The following RAB10 variants were observed in gnomAD, a reference collection of about 807,000 sequenced individuals.
The protein encoded by RAB10 is ras-related protein Rab-10.
RAB10 carries 5 observed loss-of-function variants against 25.7 expected under a neutral mutation model. That is an observed-to-expected ratio of 0.19 (90% CI 0.10 to 0.41). The LOEUF is 0.41. Ranked by LOEUF, RAB10 falls within the 10% of genes least tolerant of loss-of-function variation. RAB10 has a pLI of 1.00. For missense variants in RAB10, 103 were observed against 245.8 expected (o/e 0.42, Z 3.89); for synonymous variants, 89 against 86.4 (o/e 1.03, Z -0.16).
chr2:26,063,281 A>C (rs1469144845), intron 1 of RAB10, among the ~76,000 whole-genome samples: 1 of 152,152 alleles, frequency 6.6e-6, no homozygotes, highest in Non-Finnish European at 1.5e-5. Context: ...TCTGTTCCTT[A>C]TGTCCCTTTT....
upstream of RAB10, among the ~76,000 whole-genome samples, chr2:26,033,785 G>A (rs1258001190): frequency 3.9e-5 from 6 of 151,988 alleles, no homozygotes; most frequent in South Asian, 2.1e-4. Flanking sequence ...GGGAGCGGGA[G>A]GCGGGAGGCG....
chr2:26,114,737 C>CAAAAAAAAAAAAAAAAAAAAA (rs58252306), intron 3 of RAB10, among the ~76,000 whole-genome samples: 4 of 66,074 alleles, frequency 6.1e-5, no homozygotes, highest in African/African-American at 2.2e-4. Flanking sequence ...CAAAAATATA[C>CAAAAAAAAAAAAAAAAAAAAA]AAAAAAAAAA....
chr2:26,055,391 ATTT>A (rs536425050), intron 1 of RAB10, among the ~76,000 whole-genome samples: 2 of 138,758 alleles, frequency 1.4e-5, no homozygotes, highest in Non-Finnish European at 1.6e-5. Context: ...CACTTGGCTA[ATTT>A]TTTTTTTTTT....
intron 1 of RAB10, among the ~76,000 whole-genome samples, chr2:26,092,015 T>G (rs1559590701): frequency 6.6e-6 from 1 of 151,792 alleles, no homozygotes; most frequent in African/African-American, 2.4e-5. Flanking sequence ...TTACTAAAAA[T>G]ACAGAAGTTA....
chr2:26,092,304 TGTGTGTGTGTGTGTGTG>T (rs1559590829), intron 1 of RAB10, among the ~76,000 whole-genome samples: 4,902 of 67,698 alleles, frequency 0.072, 137 homozygotes, highest in Middle Eastern at 0.11. Context: ...TGTGTGTGTG[TGTGTGTGTGTGTGTGTG>T]TTGGGGTGGT....
chr2:26,117,045 T>G (rs1667704406), intron 3 of RAB10, among the ~76,000 whole-genome samples: 2 of 152,144 alleles, frequency 1.3e-5, no homozygotes, highest in Admixed American at 6.5e-5. Flanking sequence ...ATTTATATAC[T>G]CTTAAATCTG....
intron 5 of RAB10, among the ~76,000 whole-genome samples, chr2:26,129,860 A>C (rs1396345137): frequency 6.6e-6 from 1 of 152,226 alleles, no homozygotes; most frequent in Non-Finnish European, 1.5e-5. Context: ...AATTAAAATA[A>C]GTATAAAAGA....
intron 1 of RAB10, among the ~76,000 whole-genome samples, chr2:26,049,394 G>A (rs138439157): frequency 1.3e-5 from 2 of 151,226 alleles, no homozygotes; most frequent in East Asian, 3.9e-4. Flanking sequence ...TGCGCTTTCT[G>A]AAAGTTTTTT....
chr2:26,041,209 C>A (rs888062178), intron 1 of RAB10, among the ~76,000 whole-genome samples: 2 of 152,022 alleles, frequency 1.3e-5, no homozygotes, highest in African/African-American at 4.8e-5. Flanking sequence ...TACCTACTTT[C>A]TGATCATTAT....
At chr2:26,134,445 A>G (rs116605184) in intron 5 of RAB10, among the ~76,000 whole-genome samples, 240 of 152,342 alleles carry the variant, frequency 1.6e-3, no homozygotes, top group African/African-American at 5.7e-3. Flanking sequence ...CATGAATTAG[A>G]TAACTACATT....
At chr2:26,092,230 G>T (rs1451066798) in intron 1 of RAB10, among the ~76,000 whole-genome samples, 1 of 150,294 alleles carries the variant, frequency 6.7e-6, no homozygotes, top group African/African-American at 2.4e-5. Context: ...ATTGGATTTG[G>T]GAACATGGAG....
At chr2:26,074,885 G>A (rs975069371) in intron 1 of RAB10, among the ~76,000 whole-genome samples, 7 of 152,276 alleles carry the variant, frequency 4.6e-5, no homozygotes, top group South Asian at 2.1e-4. Flanking sequence ...TATGAGGATC[G>A]AACGAGTAAA....
At chr2:26,128,571 C>T (rs912297286) in intron 5 of RAB10, among the ~76,000 whole-genome samples, 6 of 151,540 alleles carry the variant, frequency 4.0e-5, no homozygotes, top group African/African-American at 1.5e-4. Context: ...ACTCATTTCG[C>T]TTAATGAGTA....
intron 1 of RAB10, among the ~76,000 whole-genome samples, chr2:26,064,000 A>G (rs562066204): frequency 1.3e-5 from 2 of 152,244 alleles, no homozygotes; most frequent in Admixed American, 6.5e-5. Flanking sequence ...GGATTTCACT[A>G]TGTGTTGGCC....
In RAB10 at chr2:26,109,761, A is replaced by C; in HGVS notation, c.189-7A>C. On this transcript the variant is annotated splice_region_variant and splice_polypyrimidine_tract_variant and intron_variant, in intron 2 of 5. Coordinates refer to ENST00000264710, the MANE Select transcript of RAB10 (RefSeq NM_016131.5). ...GCTTAATAGAAATTATTGGCTGTTT[A>C]TTTCAGGGATACAGCAGGCCAGGAG... 6.5e-7 allele frequency: 1 copy of C among 1,548,596 alleles called. No homozygotes were observed. The highest frequency in any genetic ancestry group is 8.7e-7 in the Non-Finnish European group (1 of 1,154,628).
At chr2:26,039,714 G>C (rs1301539709) in intron 1 of RAB10, among the ~76,000 whole-genome samples, 2 of 151,914 alleles carry the variant, frequency 1.3e-5, no homozygotes, top group African/African-American at 4.8e-5. Context: ...GTGTGATCAA[G>C]ATTTAAAAAT....
chr2:26,089,675 C>T (rs1667063650), intron 1 of RAB10, among the ~76,000 whole-genome samples: 1 of 152,096 alleles, frequency 6.6e-6, no homozygotes, highest in South Asian at 2.1e-4. Flanking sequence ...TGTTATTCAA[C>T]TCCATATTCT....
chr2:26,061,750 C>T (rs1666399415), intron 1 of RAB10, among the ~76,000 whole-genome samples: 2 of 137,224 alleles, frequency 1.5e-5, no homozygotes, highest in South Asian at 2.7e-4. Context: ...CATATCTGCT[C>T]CCCACCCCAC....
chr2:26,089,618 A>G (rs1190632813), intron 1 of RAB10, among the ~76,000 whole-genome samples: 1 of 152,148 alleles, frequency 6.6e-6, no homozygotes, highest in African/African-American at 2.4e-5. Flanking sequence ...CTTGCCCTGT[A>G]TGCACCTGTG....
Sources: gnomAD v4.1 joint callset for allele counts (sites outside exome capture counted in the v4.1 genomes callset) on GRCh38, gnomAD v4.1.1 for gene constraint, MANE v1.5 for transcripts, NCBI Gene and HGNC (gene_info 2026-07-23, HGNC 2026-07-21) for gene names.